Variants in PCDHGA11 observed in about 807,000 individuals in gnomAD.
PCDHGA11 encodes protocadherin gamma-A11.
PCDHGA11 carries 39 observed loss-of-function variants against 60.4 expected under a neutral mutation model. The ratio of observed to expected loss-of-function variants is 0.65; its 90% CI spans 0.50 to 0.84. The LOEUF (loss-of-function observed/expected upper bound fraction) is 0.84. Ranked by LOEUF, PCDHGA11 falls within the 40% of genes least tolerant of loss-of-function variation. The pLI is 0.00. For missense variants in PCDHGA11, 1,165 were observed against 1,197.7 expected, an observed-to-expected ratio of 0.97 and a Z score of 0.40; for synonymous variants, 533 against 510.3, an observed-to-expected ratio of 1.04 and a Z score of -0.60.
rs775898365 is a variant in PCDHGA11 at position 141,476,425 on chromosome 5, T to C, written c.2434-18382T>C. On this transcript the variant is annotated intron_variant, in intron 1 of 3. Transcript: ENST00000398587. This position sits in a 1 kb window ranked among gnomAD's most constrained non-coding sequence, Gnocchi z 7.6. ...AGGAGCTGTGTGGGACACTGCCCTC[T>C]TGCACTGTAACTCTGGAGTTGGTAG... is the stretch of plus-strand genomic sequence containing the variant. The C allele has an allele frequency of 1.2e-6, 2 of 1,614,108 alleles. No homozygotes were observed. Among genetic ancestry groups the C allele is most frequent in the East Asian group, 4.5e-5 (2 of 44,848 alleles).
At chr5:141,480,828 TAAGATC>T (rs1054950452) in intron 1 of PCDHGA11, among the ~76,000 whole-genome samples, 22 of 152,260 alleles carry the variant, frequency 1.4e-4, no homozygotes, top group African/African-American at 5.1e-4. Context: ...GGGTGGATCA[TAAGATC>T]AGGAGTTTGA....
Position 141,421,960 on chromosome 5 carries a change from CA to C in PCDHGA11, c.734del (p.Gln245ArgfsTer6). Reference sequence around the variant, plus strand: ...AAATGATCACATCCCAATGTTTACACAGTCCGTATATCGCGTGAGTGTTCCA... The same window carrying C: ...AAATGATCACATCCCAATGTTTACACGTCCGTATATCGCGTGAGTGTTCCA... ...DVNDHIPMFT[Q>X]SVYRVSVPEN... On this transcript the variant is annotated frameshift_variant, in exon 1 of 4. Transcript: ENST00000398587. LOFTEE classifies it high-confidence loss of function. 6.2e-7 allele frequency: 1 copy of C among 1,612,526 alleles called. No homozygotes were observed. Among genetic ancestry groups the C allele is most frequent in the Admixed American group, 1.7e-5 (1 of 59,882 alleles).
rs367905789 is a variant in PCDHGA11 at position 141,487,335 on chromosome 5, G to A, written c.2434-7472G>A. 11 of 1,614,064 alleles carry A rather than the reference G, an allele frequency of 6.8e-6. No individual in the cohort carries two copies. The highest frequency in any genetic ancestry group is 8.5e-6 in the Non-Finnish European group (10 of 1,180,044). Reference sequence around the variant, plus strand: ...TCTAAGTGTCTTCGTGGGGCAGCCTGTGGAGTCACATGCTTTCCTGCTGGC... The same window carrying A: ...TCTAAGTGTCTTCGTGGGGCAGCCTATGGAGTCACATGCTTTCCTGCTGGC... On this transcript the variant is annotated intron_variant, in intron 1 of 3. Transcript: ENST00000398587. This position sits in a 1 kb window ranked among gnomAD's most constrained non-coding sequence, Gnocchi z 5.0.
chr5:141,487,404 C>T lies in PCDHGA11; in HGVS notation c.2434-7403C>T, dbSNP rs771371344. ...AGATCTCGAAGGAGGGAGGGGCTTC[C>T]CCCTTCCAATGGGATCCTCCGAATC... On this transcript the variant is annotated intron_variant, in intron 1 of 3. Transcript: ENST00000398587. The surrounding 1 kb of genome is among the most constrained non-coding windows in gnomAD (Gnocchi z 5.0). 2 of 1,614,178 alleles carry T rather than the reference C, an allele frequency of 1.2e-6. No homozygotes were observed. Among genetic ancestry groups the T allele is most frequent in the Non-Finnish European group, 8.5e-7 (1 of 1,180,032 alleles).
chr5:141,433,883 G>A (rs1051019240), intron 1 of PCDHGA11, among the ~76,000 whole-genome samples: 1 of 149,932 alleles, frequency 6.7e-6, no homozygotes, highest in Non-Finnish European at 1.5e-5. Flanking sequence ...ATCCATTGAT[G>A]ACACTTGCTT....
intron 1 of PCDHGA11, among the ~76,000 whole-genome samples, chr5:141,444,758 T>C (rs1430492886): frequency 1.3e-5 from 2 of 152,262 alleles, no homozygotes; most frequent in East Asian, 3.8e-4. Flanking sequence ...TATGTAGTTC[T>C]ATTTCTATAT....
In PCDHGA11 at chr5:141,431,509, C is replaced by T. The variant is rs774558486; in HGVS notation, c.2433+7849C>T. The T allele has an allele frequency of 3.1e-6, 5 of 1,613,992 alleles. 1 individual carries two copies. In the Admixed American group the frequency reaches 5.0e-5, roughly 16 times the overall value. On this transcript the variant is annotated intron_variant, in intron 1 of 3. Coordinates refer to ENST00000398587, the MANE Select transcript of PCDHGA11 (RefSeq NM_018914.3). This position sits in a 1 kb window ranked among gnomAD's most constrained non-coding sequence, Gnocchi z 4.8. ...TTGCTCAGCCCGAGTACCGCGCGAG[C>T]GTTCCGGAGAATCTGGCCTTGGGCA...
At chr5:141,451,154 TTTTTGGTAGTATA>T (rs2098709149) in intron 1 of PCDHGA11, among the ~76,000 whole-genome samples, 1 of 152,152 alleles carries the variant, frequency 6.6e-6, no homozygotes, top group Non-Finnish European at 1.5e-5. Flanking sequence ...ACTAGACATT[TTTTTGGTAGTATA>T]TTATTTAGCC....
chr5:141,503,343 T>C (rs558650835), intron 2 of PCDHGA11, among the ~76,000 whole-genome samples: 87 of 152,106 alleles, frequency 5.7e-4, no homozygotes, highest in South Asian at 1.2e-3. Flanking sequence ...ACGCCTGTAA[T>C]TCCAGCACTT....
Position 141,422,333 on chromosome 5 carries a change from T to C in PCDHGA11, c.1106T>C (p.Leu369Pro). The stretch of plus-strand genomic sequence containing the variant: ...TCTCCTCCAGGTACAGTGATTGCTC[T>C]TCTAAATGTGCAAGATCAAGATTCT... ...ENSPPGTVIA[L>P]LNVQDQDSGE... Residue 369 changes from leucine (L) to proline (P), a missense_variant, in exon 1 of 4, where the codon CTT becomes CCT. By Grantham distance (98) the Leu-to-Pro change is moderately conservative (BLOSUM62 -3). Transcript: ENST00000398587. The C allele has an allele frequency of 6.5e-7, 1 of 1,549,594 alleles. No individual in the cohort carries two copies. The highest frequency in any genetic ancestry group is 8.7e-7 in the Non-Finnish European group (1 of 1,154,134).
Position 141,477,689 on chromosome 5 carries a change from C to T in PCDHGA11, c.2434-17118C>T. The T allele has an allele frequency of 6.2e-7, 1 of 1,614,156 alleles. No individual in the cohort carries two copies. The highest frequency in any genetic ancestry group is 8.5e-7 in the Non-Finnish European group (1 of 1,180,024). ...TGGCATAGTGTCATCCTTAGTGCCC[C>T]TAGACTATGAGGATCGGCGGGAATT... On this transcript the variant is annotated intron_variant, in intron 1 of 3. Transcript: ENST00000398587. This position sits in a 1 kb window ranked among gnomAD's most constrained non-coding sequence, Gnocchi z 4.9.
Position 141,432,026 on chromosome 5 carries a change from A to G in PCDHGA11, c.2433+8366A>G, listed in dbSNP as rs1591124077. On this transcript the variant is annotated intron_variant, in intron 1 of 3. Coordinates refer to ENST00000398587, the MANE Select transcript of PCDHGA11 (RefSeq NM_018914.3). The surrounding 1 kb of genome is among the most constrained non-coding windows in gnomAD (Gnocchi z 6.0). ...GGTTCCTAGCTACAACATCACAGTG[A>G]CCGCCACTGACCGGGGAACCCCGCC... The G allele has an allele frequency of 1.9e-6, 3 of 1,614,152 alleles. 1 individual carries two copies. Among genetic ancestry groups the G allele is most frequent in the Middle Eastern group, 3.3e-4 (2 of 6,062 alleles).
intron 1 of PCDHGA11, among the ~76,000 whole-genome samples, chr5:141,444,199 T>C (rs2098425653): frequency 7.4e-6 from 1 of 134,516 alleles, no homozygotes; most frequent in African/African-American, 2.9e-5. Context: ...GAGATGGAGT[T>C]TCACTCTTGT....
At chr5:141,488,021 C>A (rs570700985) in intron 1 of PCDHGA11, among the ~76,000 whole-genome samples, 1 of 152,244 alleles carries the variant, frequency 6.6e-6, no homozygotes, top group East Asian at 1.9e-4. Flanking sequence ...TACCTTAACT[C>A]TAGGTTACCA....
At chr5:141,478,269 A>G in intron 1 of PCDHGA11, 1 of 1,614,146 alleles carries the variant, frequency 6.2e-7, no homozygotes, top group Non-Finnish European at 8.5e-7. Flanking sequence ...TTCAAAGTTT[A>G]CAAGTGGAAG....
At chr5:141,466,376 C>A (rs1046432765) in intron 1 of PCDHGA11, among the ~76,000 whole-genome samples, 1 of 151,904 alleles carries the variant, frequency 6.6e-6, no homozygotes, top group Non-Finnish European at 1.5e-5. Flanking sequence ...GTTTTGGCAC[C>A]CATCTAATGG....
At chr5:141,443,872 A>C (rs1446612063) in intron 1 of PCDHGA11, among the ~76,000 whole-genome samples, 4 of 152,212 alleles carry the variant, frequency 2.6e-5, no homozygotes, top group African/African-American at 9.7e-5. Flanking sequence ...AAAATTACTG[A>C]TAAGTCAAGA....
intron 3 of PCDHGA11, among the ~76,000 whole-genome samples, chr5:141,509,050 C>T (rs867585045): frequency 1.6e-4 from 25 of 152,304 alleles, no homozygotes; most frequent in Admixed American, 5.2e-4. Flanking sequence ...CCCCCGCCCC[C>T]AGAAAGCTCT....
chr5:141,422,315 C>T lies in PCDHGA11; in HGVS notation c.1088C>T (p.Pro363Leu). Residue 363 changes from proline (P) to leucine (L), a missense_variant, in exon 1 of 4, where the codon CCA becomes CTA. Coordinates refer to ENST00000398587, the MANE Select transcript of PCDHGA11 (RefSeq NM_018914.3). ...AATTCAATTCTGGAAAACTCTCCTC[C>T]AGGTACAGTGATTGCTCTTCTAAAT... Reference protein sequence around the residue: ...SINSILENSPPGTVIALLNVQ... With the variant: ...SINSILENSPLGTVIALLNVQ... The T allele has an allele frequency of 6.5e-7, 1 of 1,547,896 alleles. No individual in the cohort carries two copies. Among genetic ancestry groups the T allele is most frequent in the Non-Finnish European group, 8.7e-7 (1 of 1,154,112 alleles).
Sources: allele counts gnomAD v4.1 joint callset (sites outside exome capture counted in the v4.1 genomes callset), GRCh38; gene constraint gnomAD v4.1.1; non-coding constraint Gnocchi (gnomAD v3.1); transcripts MANE v1.5; gene names NCBI Gene and HGNC (gene_info 2026-07-23, HGNC 2026-07-21).